DICER1: variants seen among roughly 807,000 people sequenced by gnomAD.
DICER1 encodes the protein dicer 1, ribonuclease III, also known as endoribonuclease Dicer.
DICER1 carries 43 observed loss-of-function variants against 194.1 expected under a neutral mutation model. That is an observed-to-expected ratio of 0.22 (90% confidence interval 0.17 to 0.29). The LOEUF (loss-of-function observed/expected upper bound fraction) is 0.29. DICER1 is among the 10% of genes least tolerant of loss of function. DICER1 has a pLI of 1.00. For missense variants in DICER1, 1,608 were observed against 2,317.0 expected, an observed-to-expected ratio of 0.69 and a Z score of 6.28; for synonymous variants, 832 against 820.5, an observed-to-expected ratio of 1.01 and a Z score of -0.24.
chr14:95,133,269 T>C, intron 2 of DICER1, 46 bp downstream of exon 2: 1 of 1,604,014 alleles, frequency 6.2e-7, no homozygotes. Context: ...GCTAATGTAT[T>C]CCATTTTAGT....
chr14:95,150,477 C>T (rs940490332), intron 1 of DICER1, among the ~76,000 whole-genome samples: 1 of 152,130 alleles, frequency 6.6e-6, no homozygotes, highest in African/African-American at 2.4e-5. Context: ...CAGAGCAAGA[C>T]TCAGCATTAA....
chr14:95,109,559 T>C (rs577729524), intron 14 of DICER1, among the ~76,000 whole-genome samples: 2 of 152,336 alleles, frequency 1.3e-5, no homozygotes, highest in East Asian at 3.9e-4. Flanking sequence ...GAAACACTTA[T>C]CATTAACGAC....
In DICER1 at chr14:95,156,133, C is replaced by T. The variant is rs1029437660; in HGVS notation, c.-46+1097G>A. 5.9e-5 allele frequency among the ~76,000 whole-genome samples: 9 copies of T among 152,164 alleles called. No individual in the cohort carries two copies. The South Asian group carries it at 8.3e-4, about 14-fold the overall frequency. ...ACCAATACATATTCAATATAGCTAA[C>T]CTGTTTTAACAGCACATTTTTAACA... On this transcript the variant is annotated intron_variant, in intron 1 of 26. Transcript: ENST00000343455.
In DICER1 at chr14:95,105,309, A is replaced by G. The variant is rs2139990084; in HGVS notation, c.3094-63T>C. 7.1e-7 allele frequency: 1 copy of G among 1,405,494 alleles called. No homozygotes were observed. The highest frequency in any genetic ancestry group is 1.0e-6 in the Non-Finnish European group (1 of 998,530). 87.1% of individuals were successfully genotyped at this position (1,405,494 alleles called of 1,614,324 possible). ...GCGCACACACAAAAGAAAAAAAAAAAGACCAATTTCACTAATGGATAAAGA... is the reference window on the plus strand; with the variant it reads ...GCGCACACACAAAAGAAAAAAAAAAGGACCAATTTCACTAATGGATAAAGA... On this transcript the variant is annotated intron_variant, in intron 19 of 26. Transcript: ENST00000343455. The surrounding 1 kb of genome is among the most constrained non-coding windows in gnomAD (Gnocchi z 4.9).
intron 2 of DICER1, among the ~76,000 whole-genome samples, chr14:95,132,972 T>TA (rs1164656685): frequency 3.3e-5 from 5 of 152,324 alleles, no homozygotes; most frequent in South Asian, 2.1e-4. Context: ...TGACTAAACT[T>TA]AGAGTAATCG....
In DICER1 at chr14:95,104,029, T is replaced by G; in HGVS notation, c.3367A>C (p.Lys1123Gln). ...TTTTCAGGGACAATTGTGCTGTGCT[T>G]ACAGTAATTATCATTTTCAGCTGAA... Reference protein sequence around the residue: ...SSSAENDNYCKHSTIVPENAA... With the variant: ...SSSAENDNYCQHSTIVPENAA... The change falls in exon 21 of 27, where the codon AAG becomes CAG. Residue 1123 changes from lysine (K) to glutamine (Q), a missense_variant. Physicochemically the swap from Lys to Gln is moderately conservative, Grantham distance 53. This residue lies in a region of DICER1 where 222 missense variants were observed against 215.5 expected (regional missense o/e 1.03). Transcript: ENST00000343455. 1 of 1,614,142 alleles carries G rather than the reference T, an allele frequency of 6.2e-7. No homozygotes were observed. Among genetic ancestry groups the G allele is most frequent in the Non-Finnish European group, 8.5e-7 (1 of 1,179,984 alleles).
chr14:95,128,865 G>A (rs1247883112), intron 6 of DICER1, among the ~76,000 whole-genome samples: 3 of 152,120 alleles, frequency 2.0e-5, no homozygotes, highest in East Asian at 1.9e-4. Context: ...GACATAAATC[G>A]AATTCATTGC....
intron 26 of DICER1, 86 bp downstream of exon 26, chr14:95,090,948 G>T: frequency 7.8e-7 from 1 of 1,285,256 alleles, no homozygotes; most frequent in Non-Finnish European, 1.1e-6. Flanking sequence ...ATATTTTTCA[G>T]AATCATTAGT....
chr14:95,131,390 T>C, intron 4 of DICER1, 119 bp downstream of exon 4: 3 of 942,248 alleles, frequency 3.2e-6, no homozygotes, highest in Non-Finnish European at 5.1e-6. Context: ...TCTAGGCTGA[T>C]TAAGTATAGG....
Position 95,090,225 on chromosome 14 carries a change from CATT to C in DICER1, c.*270_*272del, listed in dbSNP as rs1203690710. The C allele has an allele frequency of 1.4e-5, 7 of 488,994 alleles. No individual in the cohort carries two copies. The highest frequency in any genetic ancestry group is 2.6e-5 in the Non-Finnish European group (7 of 271,798). 30.3% of individuals were successfully genotyped at this position (488,994 alleles called of 1,614,324 possible). A position where few individuals can be genotyped will look rare whatever the true frequency, so the allele number is the denominator to read the frequency against. On this transcript the variant is annotated 3_prime_UTR_variant, in exon 27 of 27. Coordinates refer to ENST00000343455, the MANE Select transcript of DICER1 (RefSeq NM_177438.3). The stretch of plus-strand genomic sequence containing the variant: ...ATTTTGAGCACTTGCTAAATGTCAT[CATT>C]AAAGCACTCTTGTGATTTAAACAAA...
chr14:95,113,342 T>C (rs752358584), intron 11 of DICER1, 118 bp from the exon 12 acceptor site: 33 of 1,025,536 alleles, frequency 3.2e-5, no homozygotes, highest in Non-Finnish European at 2.7e-5. Flanking sequence ...TATTTATATG[T>C]GGCATTTAAA....
At chr14:95,133,575 G>C in intron 1 of DICER1, 72 bp from the exon 2 acceptor site, 1 of 1,107,654 alleles carries the variant, frequency 9.0e-7, no homozygotes, top group Non-Finnish European at 1.3e-6. Flanking sequence ...AGAAACAAGA[G>C]AAACATCAGA....
intron 1 of DICER1, among the ~76,000 whole-genome samples, chr14:95,150,874 G>T (rs531597275): frequency 1.3e-5 from 2 of 152,246 alleles, no homozygotes; most frequent in South Asian, 2.1e-4. Context: ...TTTGCCGGGG[G>T]AAAGAGGGGA....
intron 1 of DICER1, among the ~76,000 whole-genome samples, chr14:95,150,751 G>T (rs1486983905): frequency 6.6e-6 from 1 of 152,200 alleles, no homozygotes; most frequent in Non-Finnish European, 1.5e-5. Flanking sequence ...GGAAAAACCA[G>T]ATAGATACCC....
At chr14:95,134,944 A>G (rs1027056740) in intron 1 of DICER1, among the ~76,000 whole-genome samples, 27 of 152,202 alleles carry the variant, frequency 1.8e-4, no homozygotes, top group African/African-American at 6.3e-4. Context: ...AAGCCCCAAC[A>G]GCCATTCCTT....
At chr14:95,134,038 C>A (rs1894175877) in intron 1 of DICER1, among the ~76,000 whole-genome samples, 1 of 152,110 alleles carries the variant, frequency 6.6e-6, no homozygotes. Context: ...TATGACGTTA[C>A]TGATAAAATG....
rs1421085475 is a variant in DICER1 at position 95,087,204 on chromosome 14, T to C, written c.*3294A>G. 2 of 233,454 alleles carry C rather than the reference T, an allele frequency of 8.6e-6. No individual in the cohort carries two copies. The highest frequency in any genetic ancestry group is 1.2e-4 in the East Asian group (2 of 16,532). 14.5% of individuals were successfully genotyped at this position (233,454 alleles called of 1,614,324 possible). A position where few individuals can be genotyped will look rare whatever the true frequency, so the allele number is the denominator to read the frequency against. Reference sequence around the variant, plus strand: ...ACCAAAGCAGCCTCAAGTTTCATGTTGTCAAGGCAGGGTATCAGAATCTTT... The same window carrying C: ...ACCAAAGCAGCCTCAAGTTTCATGTCGTCAAGGCAGGGTATCAGAATCTTT... On this transcript the variant is annotated 3_prime_UTR_variant, in exon 27 of 27. Transcript: ENST00000343455.
intron 1 of DICER1, among the ~76,000 whole-genome samples, chr14:95,142,910 G>C (rs550197271): frequency 6.6e-6 from 1 of 152,258 alleles, no homozygotes; most frequent in East Asian, 1.9e-4. Flanking sequence ...AAGCCTAAAG[G>C]CACCTAGAAC....
intron 1 of DICER1, among the ~76,000 whole-genome samples, chr14:95,138,557 A>G (rs1894588336): frequency 6.6e-6 from 1 of 152,142 alleles, no homozygotes; most frequent in Non-Finnish European, 1.5e-5. Context: ...TAAAAAGTTG[A>G]TATTTAAAAA....
Sources: gnomAD v4.1 joint callset for allele counts (sites outside exome capture counted in the v4.1 genomes callset) on GRCh38, gnomAD v4.1.1 for gene constraint, gnomAD v4.1.1 regional missense constraint, Gnocchi (gnomAD v3.1) non-coding constraint, MANE v1.5 for transcripts, NCBI Gene and HGNC (gene_info 2026-07-23, HGNC 2026-07-21) for gene names.